Variants in PRKCH observed in about 807,000 individuals in gnomAD.
PRKCH encodes the protein protein kinase C eta.
PRKCH carries 28 observed loss-of-function variants against 82.5 expected under a neutral mutation model. The observed-to-expected ratio is 0.34, with a 90% CI of 0.25 to 0.47. PRKCH has a LOEUF of 0.47. PRKCH is among the 20% of genes least tolerant of loss of function. The pLI is 1.00. For missense variants in PRKCH, 705 were observed against 881.8 expected (o/e 0.80, Z 2.54); for synonymous variants, 322 against 327.4 (o/e 0.98, Z 0.18).
intron 2 of PRKCH, among the ~76,000 whole-genome samples, chr14:61,426,651 A>C (rs1371126369): frequency 6.6e-6 from 1 of 152,216 alleles, no homozygotes; most frequent in Non-Finnish European, 1.5e-5. Flanking sequence ...TGGAAGGAGA[A>C]AGTTTTCTGT....
chr14:61,457,105 G>A (rs1483348469), intron 7 of PRKCH, 71 bp from the exon 8 acceptor site: 2 of 1,546,460 alleles, frequency 1.3e-6, no homozygotes, highest in Admixed American at 1.9e-5. Flanking sequence ...CAGCCAATAA[G>A]GTCTTCTTCG....
At chr14:61,430,963 C>T (rs978209858) in intron 2 of PRKCH, among the ~76,000 whole-genome samples, 4 of 152,262 alleles carry the variant, frequency 2.6e-5, no homozygotes, top group Middle Eastern at 3.4e-3. Flanking sequence ...GCCATGTTGG[C>T]CAGGATGGTC....
chr14:61,473,324 C>G (rs8022443), intron 9 of PRKCH, among the ~76,000 whole-genome samples: 1,813 of 152,200 alleles, frequency 0.012, 31 homozygotes, highest in African/African-American at 0.041. Flanking sequence ...GTAAAAGGAG[C>G]CAGCAAAATC....
intron 9 of PRKCH, among the ~76,000 whole-genome samples, chr14:61,467,231 C>T (rs538799217): frequency 3.7e-4 from 57 of 152,324 alleles, no homozygotes; most frequent in Non-Finnish European, 7.4e-4. Flanking sequence ...AGCTGGCCCA[C>T]TTGTCTTTAA....
intron 1 of PRKCH, among the ~76,000 whole-genome samples, chr14:61,213,487 A>G (rs2044596824): frequency 6.6e-6 from 1 of 152,210 alleles, no homozygotes; most frequent in Non-Finnish European, 1.5e-5. Context: ...TTTTGTATTC[A>G]TTTATAGCTG....
intron 1 of PRKCH, among the ~76,000 whole-genome samples, chr14:61,255,425 C>T (rs1300932807): frequency 1.3e-5 from 2 of 152,174 alleles, no homozygotes; most frequent in Non-Finnish European, 2.9e-5. Context: ...CCGCTTCAAT[C>T]TATTCTTTAG....
intron 1 of PRKCH, among the ~76,000 whole-genome samples, chr14:61,358,361 C>G (rs1409411087): frequency 6.6e-6 from 1 of 152,200 alleles, no homozygotes; most frequent in Non-Finnish European, 1.5e-5. Context: ...GGAGTCATCT[C>G]TAATGCCATT....
chr14:61,224,704 T>G (rs1359633143), intron 1 of PRKCH, among the ~76,000 whole-genome samples: 1 of 152,192 alleles, frequency 6.6e-6, no homozygotes, highest in African/African-American at 2.4e-5. Context: ...CATGACTTAT[T>G]ATCCTTGTTG....
chr14:61,242,416 T>C (rs759980666), intron 1 of PRKCH, among the ~76,000 whole-genome samples: 1 of 152,232 alleles, frequency 6.6e-6, no homozygotes, highest in Non-Finnish European at 1.5e-5. Flanking sequence ...TGTTTGTTTT[T>C]TGAGACAGAG....
chr14:61,251,180 C>A (rs1182220964), intron 1 of PRKCH, among the ~76,000 whole-genome samples: 4 of 152,078 alleles, frequency 2.6e-5, no homozygotes, highest in Non-Finnish European at 2.9e-5. Context: ...GGTATCCATC[C>A]CCTCAAGCGT....
intron 10 of PRKCH, among the ~76,000 whole-genome samples, chr14:61,486,534 G>A (rs1352087746): frequency 1.4e-4 from 22 of 152,136 alleles, no homozygotes; most frequent in Admixed American, 1.4e-3. Flanking sequence ...CAGAGAGAAG[G>A]TTGGAGACAG....
chr14:61,480,299 A>G (rs769898272), intron 9 of PRKCH, among the ~76,000 whole-genome samples: 24 of 152,148 alleles, frequency 1.6e-4, no homozygotes, highest in Non-Finnish European at 4.4e-5. Context: ...ACTTCCCTAA[A>G]TGCAGGATTT....
At chr14:61,535,061 T>C (rs1212857996) in intron 12 of PRKCH, among the ~76,000 whole-genome samples, 1 of 152,326 alleles carries the variant, frequency 6.6e-6, no homozygotes, top group South Asian at 2.1e-4. Context: ...GAAATTGTAT[T>C]TTTGTTTTTC....
chr14:61,250,682 A>G (rs2044937873), intron 1 of PRKCH, among the ~76,000 whole-genome samples: 1 of 152,158 alleles, frequency 6.6e-6, no homozygotes, highest in Non-Finnish European at 1.5e-5. Flanking sequence ...TCATTATACA[A>G]TTTGTCCAAA....
rs34647037 is a variant in PRKCH at position 61,519,274 on chromosome 14, TATGAATGAATGAATGA to T, written c.1434-9770_1434-9755del. ...TCCAGCCTGGGCTACAGAATGAGAT[TATGAATGAATGAATGA>T]ATGAATGAATGAATGAATGAATGAA... On this transcript the variant is annotated intron_variant, in intron 10 of 13. Coordinates refer to ENST00000332981, the MANE Select transcript of PRKCH (RefSeq NM_006255.5). Among the ~76,000 whole-genome samples the T allele has an allele frequency of 5.2e-3, 766 of 147,278 alleles. 6 individuals are homozygous for T. The highest frequency in any genetic ancestry group is 0.016 in the African/African-American group (651 of 39,874).
At chr14:61,243,193 G>A (rs1028725185) in intron 1 of PRKCH, among the ~76,000 whole-genome samples, 3 of 151,794 alleles carry the variant, frequency 2.0e-5, no homozygotes, top group Non-Finnish European at 2.9e-5. Flanking sequence ...TCTGGATTTC[G>A]AGACCAGCTT....
At chr14:61,479,362 A>G (rs1464114887) in intron 9 of PRKCH, among the ~76,000 whole-genome samples, 5 of 152,170 alleles carry the variant, frequency 3.3e-5, no homozygotes, top group African/African-American at 1.2e-4. Flanking sequence ...GCTTGATCTA[A>G]CTGGCTGTGC....
intron 1 of PRKCH, among the ~76,000 whole-genome samples, chr14:61,214,649 C>T (rs1368652654): frequency 3.9e-5 from 6 of 152,042 alleles, no homozygotes; most frequent in African/African-American, 1.4e-4. Flanking sequence ...TTTCTCCAGC[C>T]TCCTCCCAAC....
chr14:61,218,491 A>G (rs1339305725), intron 1 of PRKCH, among the ~76,000 whole-genome samples: 5 of 152,196 alleles, frequency 3.3e-5, no homozygotes, highest in Non-Finnish European at 7.3e-5. Context: ...AACCAGATTT[A>G]TGGGCACAAA....
Sources: allele counts gnomAD v4.1 joint callset (sites outside exome capture counted in the v4.1 genomes callset), GRCh38; gene constraint gnomAD v4.1.1; transcripts MANE v1.5; gene names NCBI Gene and HGNC (gene_info 2026-07-23, HGNC 2026-07-21).